PROM1: variants seen among roughly 807,000 people sequenced by gnomAD.
PROM1 encodes prominin-1.
In PROM1, 105 loss-of-function variants were observed where a neutral mutation model predicts 116.9. The observed-to-expected ratio is 0.90, with a 90% CI of 0.77 to 1.06. The LOEUF (loss-of-function observed/expected upper bound fraction) is 1.06, where lower values mean the gene tolerates loss of function less well. PROM1 is among the 50% of genes least tolerant of loss of function. The pLI, the probability that PROM1 is intolerant of heterozygous loss-of-function variation, is 0.00. For missense variants in PROM1, 1,122 were observed against 1,045.2 expected (o/e 1.07, Z -1.01); for synonymous variants, 393 against 387.0 (o/e 1.02, Z -0.18).
intron 1 of PROM1, among the ~76,000 whole-genome samples, chr4:16,081,359 T>C (rs1294743576): frequency 6.6e-6 from 1 of 152,054 alleles, no homozygotes; most frequent in African/African-American, 2.4e-5. Flanking sequence ...CCTTACACCT[T>C]ATACAAAAAT....
At chr4:15,985,177 G>A (rs1372792334) in intron 22 of PROM1, among the ~76,000 whole-genome samples, 1 of 152,110 alleles carries the variant, frequency 6.6e-6, no homozygotes, top group African/African-American at 2.4e-5. Context: ...CATGTACATT[G>A]TATTAGGTAT....
intron 9 of PROM1, among the ~76,000 whole-genome samples, chr4:16,017,921 G>C (rs939308134): frequency 1.3e-5 from 2 of 152,174 alleles, no homozygotes; most frequent in African/African-American, 4.8e-5. Context: ...AATCCAAGTT[G>C]TTCCAAATTC....
At chr4:16,004,168 C>T (rs1724589065) in intron 13 of PROM1, among the ~76,000 whole-genome samples, 1 of 152,226 alleles carries the variant, frequency 6.6e-6, no homozygotes, top group African/African-American at 2.4e-5. Flanking sequence ...CCAAGCACAG[C>T]AAAGCGTGCC....
intron 2 of PROM1, among the ~76,000 whole-genome samples, chr4:16,071,315 C>T (rs1033392519): frequency 2.6e-5 from 4 of 152,192 alleles, no homozygotes; most frequent in African/African-American, 7.2e-5. Context: ...TGCTGGAAGG[C>T]TTCCTCACCT....
At chr4:15,996,740 G>C (rs538461863) in intron 15 of PROM1, among the ~76,000 whole-genome samples, 1 of 152,054 alleles carries the variant, frequency 6.6e-6, no homozygotes, top group Non-Finnish European at 1.5e-5. Context: ...AAATGATGGC[G>C]AATACTACTA....
rs1218828680 is a variant in PROM1 at position 15,979,864 on chromosome 4, T to C, written c.2513+17A>G. 5 of 1,446,994 alleles carry C rather than the reference T, an allele frequency of 3.5e-6. No homozygotes were observed. The East Asian group carries it at 1.2e-4, about 36-fold the overall frequency. 89.6% of individuals were successfully genotyped at this position (1,446,994 alleles called of 1,614,324 possible). ...CCCCATCCCATCTAGGAATATAGTT[T>C]TTTTAAAAAGGCTTACTTTTTCATG... On this transcript the variant is annotated intron_variant, in intron 25 of 27. Transcript: ENST00000447510.
chr4:16,052,203 C>T (rs926230541), intron 2 of PROM1, among the ~76,000 whole-genome samples: 1 of 152,168 alleles, frequency 6.6e-6, no homozygotes, highest in Non-Finnish European at 1.5e-5. Context: ...TAAATCAAGC[C>T]TCCTTGGCAA....
At chr4:16,013,946 GA>G (rs34054630) in intron 10 of PROM1, among the ~76,000 whole-genome samples, 118,203 of 150,366 alleles carry the variant, frequency 0.79, 46,564 homozygotes, top group African/African-American at 0.88. Context: ...TAGTCTAAAC[GA>G]AAAAAAAAAA....
At chr4:15,975,210 A>T (rs1715807856) in intron 26 of PROM1, among the ~76,000 whole-genome samples, 1 of 152,074 alleles carries the variant, frequency 6.6e-6, no homozygotes, top group Non-Finnish European at 1.5e-5. Context: ...CCCTACGCAA[A>T]CAAGGCTCTT....
intron 17 of PROM1, among the ~76,000 whole-genome samples, chr4:15,991,714 C>A (rs1341989465): frequency 6.6e-6 from 1 of 151,270 alleles, no homozygotes; most frequent in Non-Finnish European, 1.5e-5. Context: ...GTGGGCAGAT[C>A]ACAGGGTCAA....
chr4:16,064,099 C>T (rs1013650168), intron 2 of PROM1, among the ~76,000 whole-genome samples: 4 of 152,286 alleles, frequency 2.6e-5, no homozygotes, highest in Admixed American at 2.6e-4. Flanking sequence ...CATACCCCAT[C>T]GTGCAGCAAT....
intron 16 of PROM1, among the ~76,000 whole-genome samples, chr4:15,993,281 G>C (rs531341901): frequency 6.6e-6 from 1 of 152,304 alleles, no homozygotes; most frequent in South Asian, 2.1e-4. Flanking sequence ...ACCCAAAAGA[G>C]AGATGACAGT....
intron 2 of PROM1, 137 bp downstream of exon 2, chr4:16,075,550 C>G (rs1743769270): frequency 1.2e-6 from 1 of 856,076 alleles, no homozygotes; most frequent in Non-Finnish European, 1.7e-6. Context: ...TAACTTCTGT[C>G]TAAATGCTTT....
chr4:16,026,389 C>T (rs139174220), intron 5 of PROM1, among the ~76,000 whole-genome samples: 9 of 151,876 alleles, frequency 5.9e-5, no homozygotes, highest in African/African-American at 1.7e-4. Flanking sequence ...TAAACATAGC[C>T]GAACTATTTT....
At chr4:15,997,820 G>T (rs2149165424) in intron 15 of PROM1, among the ~76,000 whole-genome samples, 1 of 152,232 alleles carries the variant, frequency 6.6e-6, no homozygotes, top group Non-Finnish European at 1.5e-5. Flanking sequence ...GATGTGTCAG[G>T]CACCATTCGA....
chr4:15,987,364 T>C (rs1577854394), intron 20 of PROM1, among the ~76,000 whole-genome samples: 1 of 152,210 alleles, frequency 6.6e-6, no homozygotes, highest in East Asian at 1.9e-4. Flanking sequence ...GGTTTGGGAT[T>C]GTGTGTTAGG....
At chr4:16,038,767 C>A (rs1315683832) in intron 3 of PROM1, among the ~76,000 whole-genome samples, 179 bp downstream of exon 3, 1 of 152,184 alleles carries the variant, frequency 6.6e-6, no homozygotes. Context: ...TTTGAACTTT[C>A]TGCTATGGTT....
In PROM1 at chr4:15,968,860, A is replaced by G. The variant is rs564530134; in HGVS notation, c.*533T>C. 2 of 152,388 alleles carry G rather than the reference A, an allele frequency of 1.3e-5. No homozygotes were observed. Among genetic ancestry groups the G allele is most frequent in the South Asian group, 2.1e-4 (1 of 4,832 alleles). 9.4% of individuals were successfully genotyped at this position (152,388 alleles called of 1,614,324 possible). A position where few individuals can be genotyped will look rare whatever the true frequency, so the allele number is the denominator to read the frequency against. ...AAATGGATTATTTTCAACAGCACCA[A>G]GAAGTCAATGGTGACTTATTTAGCT... is the stretch of plus-strand genomic sequence containing the variant. On this transcript the variant is annotated 3_prime_UTR_variant, in exon 28 of 28. Transcript: ENST00000447510.
chr4:15,979,732 A>C, intron 25 of PROM1, 149 bp downstream of exon 25: 1 of 888,772 alleles, frequency 1.1e-6, no homozygotes, highest in Middle Eastern at 3.0e-4. Flanking sequence ...CCCTCTTTTT[A>C]AGACCATTGC....
Sources: allele counts gnomAD v4.1 joint callset (sites outside exome capture counted in the v4.1 genomes callset), GRCh38; gene constraint gnomAD v4.1.1; transcripts MANE v1.5; gene names NCBI Gene and HGNC (gene_info 2026-07-23, HGNC 2026-07-21).